Variants in PKD1L1 observed in about 807,000 individuals in gnomAD.
PKD1L1 encodes polycystin 1 like 1, transient receptor potential channel interacting.
In PKD1L1, 236 loss-of-function variants were observed where a neutral mutation model predicts 323.4. The observed-to-expected ratio is 0.73, with a 90% CI of 0.66 to 0.81. The LOEUF (loss-of-function observed/expected upper bound fraction) is 0.81, where lower values mean the gene tolerates loss of function less well. PKD1L1 is among the 40% of genes least tolerant of loss of function. The pLI, the probability that PKD1L1 is intolerant of heterozygous loss-of-function variation, is 0.00. For missense variants in PKD1L1, 3,320 were observed against 3,508.0 expected (o/e 0.95, Z 1.35); for synonymous variants, 1,344 against 1,335.0 (o/e 1.01, Z -0.15).
At chr7:47,799,412 C>T (rs553578595) in intron 54 of PKD1L1, among the ~76,000 whole-genome samples, 2 of 152,328 alleles carry the variant, frequency 1.3e-5, no homozygotes, top group African/African-American at 4.8e-5. Context: ...CTTTTAAGGA[C>T]TGCAGAGAAT....
chr7:47,805,361 G>A (rs940610306), intron 52 of PKD1L1, among the ~76,000 whole-genome samples: 2 of 152,196 alleles, frequency 1.3e-5, no homozygotes, highest in Non-Finnish European at 2.9e-5. Flanking sequence ...AAGATGACTC[G>A]TTCTTCCTGC....
At chr7:47,956,536 T>C in the PKD1L1 span, among the ~76,000 whole-genome samples, 1 of 152,172 alleles carries the variant, frequency 6.6e-6, no homozygotes, top group African/African-American at 2.4e-5. Flanking sequence ...AAAAAGACAG[T>C]ATGCTTACAA....
chr7:47,840,449 A>T lies in PKD1L1; in HGVS notation c.5552+12T>A. ...TCTTTCCCAAATCTAGCAGTGAAAT[A>T]TTTTGGAATACCTCAGGATAAAGGT... On this transcript the variant is annotated intron_variant, in intron 35 of 56. Coordinates refer to ENST00000289672, the MANE Select transcript of PKD1L1 (RefSeq NM_138295.5). The surrounding 1 kb of genome is among the most constrained non-coding windows in gnomAD (Gnocchi z 4.1). 1 of 1,598,110 alleles carries T rather than the reference A, an allele frequency of 6.3e-7. No homozygotes were observed. The highest frequency in any genetic ancestry group is 8.6e-7 in the Non-Finnish European group (1 of 1,165,392).
At chr7:47,801,294 AAATCACTTAGG>A (rs1250068158) in intron 53 of PKD1L1, among the ~76,000 whole-genome samples, 1 of 152,174 alleles carries the variant, frequency 6.6e-6, no homozygotes, top group African/African-American at 2.4e-5. Flanking sequence ...TTAGTAAAAT[AAATCACTTAGG>A]AAGCATCAGG....
intron 36 of PKD1L1, among the ~76,000 whole-genome samples, chr7:47,838,263 G>C (rs1785497335): frequency 6.6e-6 from 1 of 152,218 alleles, no homozygotes; most frequent in Non-Finnish European, 1.5e-5. Flanking sequence ...CCTTGAGCCT[G>C]GGCCTCTCAT....
At chr7:47,806,852 G>A (rs1277427177) in intron 52 of PKD1L1, among the ~76,000 whole-genome samples, 1 of 152,126 alleles carries the variant, frequency 6.6e-6, no homozygotes, top group African/African-American at 2.4e-5. Context: ...GTTCCTCCAA[G>A]AAGAGGATGC....
At chr7:47,831,946 T>A (rs1785356534) in intron 41 of PKD1L1, among the ~76,000 whole-genome samples, 1 of 152,198 alleles carries the variant, frequency 6.6e-6, no homozygotes, top group Non-Finnish European at 1.5e-5. Flanking sequence ...CCCTCTCTGC[T>A]GTGTGATTTC....
At chr7:47,951,958 T>C (rs1308776912), upstream of PKD1L1, among the ~76,000 whole-genome samples, 1 of 152,196 alleles carries the variant, frequency 6.6e-6, no homozygotes, top group Non-Finnish European at 1.5e-5. Context: ...TTGACCTTCT[T>C]CTCTTTGGAT....
At position 47,811,791 on chromosome 7, in the gene PKD1L1, G is replaced by A. The variant is rs150868616; in HGVS notation, c.7581+26C>T. 7.3e-4 allele frequency: 1,131 copies of A among 1,557,774 alleles called. 15 individuals are homozygous for A. The Admixed American group carries it at 0.015, about 21-fold the overall frequency. ...GCCCCATCTTCCTGTGCACCTCCAGGAGGCCCAAGAGGCAGGTCAGCTCAC... is the reference window on the plus strand; with the variant it reads ...GCCCCATCTTCCTGTGCACCTCCAGAAGGCCCAAGAGGCAGGTCAGCTCAC... On this transcript the variant is annotated intron_variant, in intron 50 of 56. Coordinates refer to ENST00000289672, the MANE Select transcript of PKD1L1 (RefSeq NM_138295.5).
rs1173175731 is a variant in PKD1L1, at chr7:47,813,779, C to T, written c.7173+152G>A. ...AAAGGGGAAGGAAGGAAGGGCGAGG[C>T]TCGCCCTCTCCCCAGCCCCGGCACT... On this transcript the variant is annotated intron_variant, in intron 48 of 56. Transcript: ENST00000289672. 11 of 681,534 alleles carry T rather than the reference C, an allele frequency of 1.6e-5. No homozygotes were observed. The African/African-American group carries it at 1.6e-4, about 10-fold the overall frequency. The allele number at this position is 681,534 out of a possible 1,614,324, so 42.2% of individuals were successfully genotyped here.
intron 26 of PKD1L1, among the ~76,000 whole-genome samples, chr7:47,864,783 A>G (rs1259021623): frequency 6.9e-6 from 1 of 144,384 alleles, no homozygotes; most frequent in Non-Finnish European, 1.5e-5. Context: ...CAGTGGCGCG[A>G]TCTCGGCTCA....
Position 47,848,277 on chromosome 7 carries a change from A to G in PKD1L1, c.4961-1206T>C, listed in dbSNP as rs180871610. Among the ~76,000 whole-genome samples the G allele has an allele frequency of 3.2e-3, 487 of 152,302 alleles. 6 individuals carry two copies. The highest frequency in any genetic ancestry group is 1.2e-3 in the Non-Finnish European group (82 of 68,022). ...AATACAGTATATGCACAAGTCTTCC[A>G]TGTGAATACATAGGAGACTGGCTGA... On this transcript the variant is annotated intron_variant, in intron 31 of 56. Transcript: ENST00000289672.
At chr7:47,877,394 C>T (rs1310170240) in intron 22 of PKD1L1, 95 bp downstream of exon 22, 4 of 1,498,574 alleles carry the variant, frequency 2.7e-6, no homozygotes, top group Non-Finnish European at 3.6e-6. Context: ...GTGGGAAGGA[C>T]ATTGCTGTCC....
chr7:47,907,187 T>C (rs1787224117), intron 9 of PKD1L1, among the ~76,000 whole-genome samples: 1 of 152,242 alleles, frequency 6.6e-6, no homozygotes, highest in African/African-American at 2.4e-5. Context: ...ACTAGTCTGA[T>C]TATAAACAGG....
intron 8 of PKD1L1, among the ~76,000 whole-genome samples, chr7:47,910,324 T>C (rs1012074611): frequency 6.6e-6 from 1 of 151,218 alleles, no homozygotes; most frequent in Non-Finnish European, 1.5e-5. Context: ...ATCTTAGGCA[T>C]ATCTTACTTT....
intron 49 of PKD1L1, 133 bp from the exon 50 acceptor site, chr7:47,812,184 T>G (rs528351232): frequency 2.9e-6 from 2 of 700,462 alleles, no homozygotes; most frequent in East Asian, 2.7e-5. Flanking sequence ...GTGCCTGGGC[T>G]TCAAGGGGCA....
intron 8 of PKD1L1, among the ~76,000 whole-genome samples, chr7:47,910,826 T>TTGTGTGTGTGTGTG (rs60550498): frequency 0.13 from 15,797 of 125,882 alleles, 1,264 homozygotes; most frequent in African/African-American, 0.17. Context: ...CCAGCTGATT[T>TTGTGTGTGTGTGTG]TGTGTGTGTG....
rs756997243 is a variant in PKD1L1, at chr7:47,833,251, T to G, written c.6176A>C (p.Gln2059Pro). ...RIPDAQEPRK[Q>P]PASAILSGSG... Reference sequence around the variant, plus strand: ...CCCAGAGAGAATGGCTGATGCAGGTTGCTAGAATGACAAGGTCATGCCAAG... The same window carrying G: ...CCCAGAGAGAATGGCTGATGCAGGTGGCTAGAATGACAAGGTCATGCCAAG... Residue 2059 changes from glutamine to proline, a missense_variant and splice_region_variant, in exon 41 of 57, where the codon CAA becomes CCA. Transcript: ENST00000289672. The G allele has an allele frequency of 2.0e-5, 32 of 1,611,652 alleles. No individual in the cohort carries two copies. Among genetic ancestry groups the G allele is most frequent in the Non-Finnish European group, 2.5e-5 (30 of 1,178,816 alleles).
chr7:47,918,235 C>A (rs918853352), intron 7 of PKD1L1, among the ~76,000 whole-genome samples: 2 of 151,882 alleles, frequency 1.3e-5, no homozygotes, highest in Non-Finnish European at 2.9e-5. Flanking sequence ...TTAAAAGAGA[C>A]AAAGAAGAAC....
Sources: allele counts gnomAD v4.1 joint callset (sites outside exome capture counted in the v4.1 genomes callset), GRCh38; gene constraint gnomAD v4.1.1; non-coding constraint Gnocchi (gnomAD v3.1); transcripts MANE v1.5; gene names NCBI Gene and HGNC (gene_info 2026-07-23, HGNC 2026-07-21).